The following ROCK1 variants were observed in gnomAD, a reference collection of about 807,000 sequenced individuals.
ROCK1 encodes the protein rho-associated protein kinase 1.
Under a neutral mutation model 196.8 loss-of-function variants are expected in ROCK1, and 36 were observed. The ratio of observed to expected loss-of-function variants is 0.18; its 90% CI spans 0.14 to 0.24. ROCK1 has a LOEUF of 0.24. Ranked by LOEUF, ROCK1 falls within the 10% of genes least tolerant of loss-of-function variation. ROCK1 has a pLI of 1.00. For missense variants in ROCK1, 920 were observed against 1,562.0 expected (o/e 0.59, Z 6.93); for synonymous variants, 443 against 515.9 (o/e 0.86, Z 1.91).
At chr18:21,005,391 T>C (rs1248775296) in intron 16 of ROCK1, among the ~76,000 whole-genome samples, 2 of 152,238 alleles carry the variant, frequency 1.3e-5, no homozygotes, top group Non-Finnish European at 2.9e-5. Context: ...TAGGTTTTAA[T>C]AGTGATAATC....
rs1323526953 is a variant in ROCK1, at chr18:20,987,049, A to T, written c.2205T>A (p.Val735=). ...EAREKAENRV[V]QIEKQCSMLD... ...GCATGGAACACTGTTTCTCAATCTG[A>T]ACAACCCGATTTTCAGCCTTCTCTC... Residue 735 remains valine (V), a synonymous_variant, in exon 19 of 33, where the codon GTT becomes GTA. Transcript: ENST00000399799. 1 of 1,613,084 alleles carries T rather than the reference A, an allele frequency of 6.2e-7. No homozygotes were observed. Among genetic ancestry groups the T allele is most frequent in the Non-Finnish European group, 8.5e-7 (1 of 1,179,782 alleles).
At chr18:20,971,899 C>A (rs2143366232) in intron 22 of ROCK1, among the ~76,000 whole-genome samples, 1 of 151,830 alleles carries the variant, frequency 6.6e-6, no homozygotes, top group South Asian at 2.1e-4. Flanking sequence ...GGCCTCTCTG[C>A]TAAGACAACA....
rs868221032 is a variant in ROCK1, at chr18:20,959,356, C to T, written c.3512+484G>A. ...CCTTCTGAGTAGCTGGGACTACAGG[C>T]GCCTGCCACCACGCCCAGCTAATTT... On this transcript the variant is annotated intron_variant, in intron 29 of 32. Transcript: ENST00000399799. Among the ~76,000 whole-genome samples the T allele has an allele frequency of 6.4e-4, 94 of 147,016 alleles. No homozygotes were observed. In the Middle Eastern group the frequency reaches 0.014, roughly 22 times the overall value.
At chr18:21,088,159 T>A (rs2036542256) in intron 1 of ROCK1, among the ~76,000 whole-genome samples, 1 of 152,168 alleles carries the variant, frequency 6.6e-6, no homozygotes, top group Non-Finnish European at 1.5e-5. Context: ...TACAGCTAAA[T>A]CACTGCTAAA....
intron 1 of ROCK1, among the ~76,000 whole-genome samples, chr18:21,079,205 G>A (rs528916683): frequency 2.4e-4 from 36 of 152,170 alleles, no homozygotes; most frequent in East Asian, 3.9e-4. Context: ...GTTATTTACC[G>A]GAACTGCTTC....
At chr18:21,023,571 C>T in intron 11 of ROCK1, 49 bp downstream of exon 11, 1 of 1,024,212 alleles carries the variant, frequency 9.8e-7, no homozygotes, top group Non-Finnish European at 1.4e-6. Context: ...ATATATTATC[C>T]ACAAAACAAT....
chr18:21,022,675 G>A (rs943461033), intron 11 of ROCK1, among the ~76,000 whole-genome samples: 1 of 152,094 alleles, frequency 6.6e-6, no homozygotes, highest in Non-Finnish European at 1.5e-5. Flanking sequence ...GGCTTTCTCT[G>A]AGCTACGATA....
intron 4 of ROCK1, among the ~76,000 whole-genome samples, chr18:21,045,844 A>G (rs1171980000): frequency 6.7e-6 from 1 of 149,940 alleles, no homozygotes; most frequent in African/African-American, 2.5e-5. Flanking sequence ...TTAAATTTAT[A>G]TCAATATCAC....
chr18:20,992,911 C>G lies in ROCK1; in HGVS notation c.1912G>C (p.Val638Leu). The G allele has an allele frequency of 6.2e-7, 1 of 1,611,926 alleles. No homozygotes were observed. Among genetic ancestry groups the G allele is most frequent in the East Asian group, 2.2e-5 (1 of 44,732 alleles). Reference sequence around the variant, plus strand: ...TCGAGATTATGTTTGAGATGCTTCACCTCCTCTTGTAAAGATGTAATTCGA... The same window carrying G: ...TCGAGATTATGTTTGAGATGCTTCAGCTCCTCTTGTAAAGATGTAATTCGA... Reference protein sequence around the residue: ...QARITSLQEEVKHLKHNLEKV... With the variant: ...QARITSLQEELKHLKHNLEKV... The change falls in exon 17 of 33, where the codon GTG becomes CTG. Residue 638 changes from valine to leucine, a missense_variant. This residue lies in a region of ROCK1 where 520 missense variants were observed against 657.1 expected (regional missense o/e 0.79). Coordinates refer to ENST00000399799, the MANE Select transcript of ROCK1 (RefSeq NM_005406.3).
chr18:20,975,277 G>C (rs1432995985), intron 22 of ROCK1, among the ~76,000 whole-genome samples: 1 of 152,154 alleles, frequency 6.6e-6, no homozygotes, highest in Non-Finnish European at 1.5e-5. Flanking sequence ...AAATGATGTG[G>C]ACCTGGAGAA....
chr18:21,103,292 C>CA (rs2036675114), intron 1 of ROCK1, among the ~76,000 whole-genome samples: 1 of 151,762 alleles, frequency 6.6e-6, no homozygotes, highest in Non-Finnish European at 1.5e-5. Flanking sequence ...GAACTAGTTC[C>CA]AAAAAAAGCA....
intron 16 of ROCK1, among the ~76,000 whole-genome samples, chr18:20,996,771 C>T (rs948284820): frequency 3.3e-5 from 5 of 152,176 alleles, no homozygotes; most frequent in South Asian, 4.1e-4. Flanking sequence ...ATAGAAGCAA[C>T]GAAAAGTTAA....
At chr18:20,978,781 G>A (rs573832719) in intron 22 of ROCK1, among the ~76,000 whole-genome samples, 23 of 152,226 alleles carry the variant, frequency 1.5e-4, no homozygotes, top group Non-Finnish European at 2.9e-4. Context: ...GAGGAAAGAA[G>A]GCATAATTAG....
chr18:21,032,012 AT>A (rs1225207018), intron 9 of ROCK1, among the ~76,000 whole-genome samples: 1 of 152,206 alleles, frequency 6.6e-6, no homozygotes, highest in African/African-American at 2.4e-5. Flanking sequence ...CATACACATT[AT>A]GGGAGTTCCA....
At chr18:21,054,072 A>G (rs568895193) in intron 2 of ROCK1, among the ~76,000 whole-genome samples, 1 of 152,310 alleles carries the variant, frequency 6.6e-6, no homozygotes, top group African/African-American at 2.4e-5. Flanking sequence ...GTAGAACAAA[A>G]GCAGCTATAC....
chr18:21,093,548 G>C lies in ROCK1; in HGVS notation c.93+17270C>G, dbSNP rs35353434. On this transcript the variant is annotated intron_variant, in intron 1 of 32. Coordinates refer to ENST00000399799, the MANE Select transcript of ROCK1 (RefSeq NM_005406.3). ...AAGGACAAAGAGGAAAGAAAGGGTAGCATAATGTACACCTACGGCACTGTC... is the reference window on the plus strand; with the variant it reads ...AAGGACAAAGAGGAAAGAAAGGGTACCATAATGTACACCTACGGCACTGTC... Among the ~76,000 whole-genome samples the C allele has an allele frequency of 6.4e-3, 970 of 152,240 alleles. 10 individuals carry two copies. The highest frequency in any genetic ancestry group is 0.022 in the South Asian group (106 of 4,830).
intron 22 of ROCK1, among the ~76,000 whole-genome samples, chr18:20,975,774 C>T (rs916554357): frequency 1.3e-5 from 2 of 152,064 alleles, no homozygotes; most frequent in African/African-American, 4.8e-5. Context: ...CCACGCCCGG[C>T]TAATTTTTTT....
At chr18:20,969,092 GA>G in intron 24 of ROCK1, 22 bp downstream of exon 24, 1 of 1,448,364 alleles carries the variant, frequency 6.9e-7, no homozygotes, top group South Asian at 1.2e-5. Context: ...TTAACATGAT[GA>G]TTTTTTAAAA....
intron 13 of ROCK1, among the ~76,000 whole-genome samples, chr18:21,014,323 G>A (rs770759103): frequency 5.9e-5 from 9 of 152,240 alleles, no homozygotes; most frequent in Non-Finnish European, 1.2e-4. Context: ...TTCTCAGGAC[G>A]CAAGTAACCC....
Sources: allele counts gnomAD v4.1 joint callset (sites outside exome capture counted in the v4.1 genomes callset), GRCh38; gene constraint gnomAD v4.1.1; regional missense constraint gnomAD v4.1.1; transcripts MANE v1.5; gene names NCBI Gene and HGNC (gene_info 2026-07-23, HGNC 2026-07-21).